Variants in ELOVL6 observed in about 807,000 individuals in gnomAD.
ELOVL6 encodes the protein very long chain fatty acid elongase 6.
A neutral mutation model predicts 31.7 loss-of-function variants in ELOVL6; 8 were observed. The ratio of observed to expected loss-of-function variants is 0.25; its 90% CI spans 0.15 to 0.45. ELOVL6 has a LOEUF of 0.45. Ranked by LOEUF, ELOVL6 falls within the 20% of genes least tolerant of loss-of-function variation. The probability of loss-of-function intolerance (pLI) is 1.00; values close to 1 mark genes in which losing one functional copy is unlikely to be tolerated. For synonymous variants in ELOVL6, 101 were observed against 117.7 expected, an observed-to-expected ratio of 0.86 and a Z score of 0.92; for missense variants, 126 against 326.4, an observed-to-expected ratio of 0.39 and a Z score of 4.73.
intron 1 of ELOVL6, among the ~76,000 whole-genome samples, chr4:110,121,786 T>A (rs77875158): frequency 0.085 from 12,908 of 152,266 alleles, 727 homozygotes; most frequent in Middle Eastern, 0.13. Context: ...TCACTTACAC[T>A]TGCAATTCAC....
intron 2 of ELOVL6, among the ~76,000 whole-genome samples, chr4:110,080,440 C>T (rs56390432): frequency 0.25 from 37,717 of 152,002 alleles, 4,871 homozygotes; most frequent in Non-Finnish European, 0.29. Flanking sequence ...GTTCAGCATA[C>T]GCAAATCAGT....
At chr4:110,058,820 C>G (rs1755064643) in intron 3 of ELOVL6, among the ~76,000 whole-genome samples, 1 of 152,044 alleles carries the variant, frequency 6.6e-6, no homozygotes, top group East Asian at 1.9e-4. Flanking sequence ...TTTGCCTTAC[C>G]AGTTTGTACC....
intron 1 of ELOVL6, among the ~76,000 whole-genome samples, chr4:110,193,689 C>T (rs907769752): frequency 2.6e-4 from 40 of 152,178 alleles, no homozygotes; most frequent in African/African-American, 9.4e-4. Context: ...GCTTCCTCAG[C>T]TGAACAGCAT....
intron 1 of ELOVL6, among the ~76,000 whole-genome samples, chr4:110,120,950 G>C (rs1716460549): frequency 6.6e-6 from 1 of 151,976 alleles, no homozygotes; most frequent in African/African-American, 2.4e-5. Flanking sequence ...ACAGGCGCCT[G>C]CCACCACGCC....
chr4:110,079,701 A>C (rs1356654085), intron 2 of ELOVL6, among the ~76,000 whole-genome samples: 1 of 152,194 alleles, frequency 6.6e-6, no homozygotes, highest in Non-Finnish European at 1.5e-5. Context: ...GAGCAAACAC[A>C]GTCAAAAACT....
intron 1 of ELOVL6, among the ~76,000 whole-genome samples, chr4:110,147,867 C>G (rs185625814): frequency 2.1e-4 from 32 of 152,132 alleles, no homozygotes; most frequent in African/African-American, 7.0e-4. Flanking sequence ...GTAATCCCAG[C>G]ACTTTGGCAG....
chr4:110,087,282 G>T (rs1007334766), intron 2 of ELOVL6, among the ~76,000 whole-genome samples: 1 of 152,086 alleles, frequency 6.6e-6, no homozygotes, highest in Non-Finnish European at 1.5e-5. Flanking sequence ...TTATTAGGCC[G>T]TCTAGAAGTA....
At chr4:110,073,003 TAAG>T (rs1461227728) in intron 2 of ELOVL6, among the ~76,000 whole-genome samples, 2 of 152,188 alleles carry the variant, frequency 1.3e-5, no homozygotes, top group Admixed American at 1.3e-4. Context: ...ACAACTGATT[TAAG>T]AAGAAAAATT....
chr4:110,056,084 T>C (rs928264989), intron 3 of ELOVL6, among the ~76,000 whole-genome samples: 18 of 144,040 alleles, frequency 1.2e-4, no homozygotes, highest in Admixed American at 1.1e-3. Context: ...ATGTATATTT[T>C]ACTGCAATTT....
intron 1 of ELOVL6, among the ~76,000 whole-genome samples, chr4:110,121,966 T>G (rs965903162): frequency 2.0e-5 from 3 of 152,110 alleles, no homozygotes; most frequent in Non-Finnish European, 4.4e-5. Context: ...TTCCATCTAG[T>G]GTTTGCCTAC....
At chr4:110,111,141 A>G (rs1355825962) in intron 1 of ELOVL6, among the ~76,000 whole-genome samples, 1 of 152,222 alleles carries the variant, frequency 6.6e-6, no homozygotes, top group Non-Finnish European at 1.5e-5. Context: ...CAGATTGGAC[A>G]CAGAAATTCC....
At chr4:110,096,598 T>C (rs1034930558) in intron 2 of ELOVL6, among the ~76,000 whole-genome samples, 9 of 152,178 alleles carry the variant, frequency 5.9e-5, no homozygotes, top group African/African-American at 1.7e-4. Flanking sequence ...TGGGTTGACA[T>C]TGGAATTTCT....
chr4:110,146,395 C>T (rs1246504115), intron 1 of ELOVL6: 1 of 152,236 alleles, frequency 6.6e-6, no homozygotes, highest in African/African-American at 2.4e-5. Flanking sequence ...GGTGATCTGG[C>T]TTAACCCAGA....
chr4:110,194,375 G>A (rs1393041833), intron 1 of ELOVL6, among the ~76,000 whole-genome samples: 1 of 152,128 alleles, frequency 6.6e-6, no homozygotes, highest in African/African-American at 2.4e-5. Context: ...TAACCAGACA[G>A]GATATTTTTC....
At chr4:110,174,164 CTT>C (rs1332367998) in intron 1 of ELOVL6, among the ~76,000 whole-genome samples, 26 of 133,524 alleles carry the variant, frequency 1.9e-4, no homozygotes, top group Middle Eastern at 3.7e-3. Flanking sequence ...GAAAGACAGT[CTT>C]TTTTTTTTTT....
At chr4:110,111,040 G>A (rs1467257278) in intron 1 of ELOVL6, among the ~76,000 whole-genome samples, 1 of 152,078 alleles carries the variant, frequency 6.6e-6, no homozygotes, top group Non-Finnish European at 1.5e-5. Context: ...CCTTGAAGTA[G>A]GCCATAAGCA....
At chr4:110,053,140 C>T (rs992932049) in intron 3 of ELOVL6, among the ~76,000 whole-genome samples, 5 of 152,168 alleles carry the variant, frequency 3.3e-5, no homozygotes, top group African/African-American at 1.2e-4. Context: ...GTCTTGAACT[C>T]CTGAGCTCAA....
chr4:110,181,927 T>A (rs1759284736), intron 1 of ELOVL6, among the ~76,000 whole-genome samples: 1 of 152,176 alleles, frequency 6.6e-6, no homozygotes, highest in Non-Finnish European at 1.5e-5. Flanking sequence ...TCTTTCTAGC[T>A]CCTCTTAACC....
intron 1 of ELOVL6, among the ~76,000 whole-genome samples, chr4:110,197,635 C>A (rs1181932886): frequency 1.3e-5 from 2 of 151,926 alleles, no homozygotes; most frequent in Non-Finnish European, 2.9e-5. Context: ...TCTATGAAAC[C>A]GGAAAGGGAA....
Sources: allele counts gnomAD v4.1 joint callset (sites outside exome capture counted in the v4.1 genomes callset), GRCh38; gene constraint gnomAD v4.1.1; transcripts MANE v1.5; gene names NCBI Gene and HGNC (gene_info 2026-07-23, HGNC 2026-07-21).